Variants in PCDH11X observed in about 807,000 individuals in gnomAD.
The protein encoded by PCDH11X is protocadherin 11 X-linked, also known as protocadherin-11 X-linked.
A neutral mutation model predicts 53.3 loss-of-function variants in PCDH11X; 18 were observed. That is an observed-to-expected ratio of 0.34 (90% CI 0.23 to 0.50). The LOEUF is 0.50. PCDH11X is among the 20% of genes least tolerant of loss of function. The pLI, the probability that PCDH11X is intolerant of heterozygous loss-of-function variation, is 0.98. For synonymous variants in PCDH11X, 279 were observed against 393.3 expected (o/e 0.71, Z 3.44); for missense variants, 570 against 1,032.4 (o/e 0.55, Z 6.14).
chrX:92,227,165 T>C (rs1194963733), intron 7 of PCDH11X, among the ~76,000 whole-genome samples: 1 of 111,715 alleles, frequency 9.0e-6, no homozygotes, highest in Non-Finnish European at 1.9e-5. Flanking sequence ...AGTGTCTGCA[T>C]CTGAATTTCA....
intron 9 of PCDH11X, among the ~76,000 whole-genome samples, chrX:92,398,578 A>G (rs1427269726): frequency 1.8e-5 from 2 of 111,654 alleles, no homozygotes; most frequent in Admixed American, 9.6e-5. Context: ...AGAGATGCAG[A>G]TATGTTTAAT....
intron 6 of PCDH11X, among the ~76,000 whole-genome samples, chrX:92,165,198 A>G (rs1045696140): frequency 1.8e-5 from 2 of 111,998 alleles, no homozygotes; most frequent in African/African-American, 6.5e-5. Flanking sequence ...AGAGTTTAAA[A>G]AGATCATTCT....
intron 6 of PCDH11X, among the ~76,000 whole-genome samples, chrX:92,072,012 A>T (rs2063709517): frequency 9.0e-6 from 1 of 110,847 alleles, no homozygotes; most frequent in African/African-American, 3.3e-5. Flanking sequence ...CACAATACAA[A>T]GTCCTTCCCA....
intron 7 of PCDH11X, among the ~76,000 whole-genome samples, chrX:92,215,645 C>T (rs1313556208): frequency 7.4e-4 from 66 of 88,956 alleles, no homozygotes; most frequent in African/African-American, 2.5e-3. Context: ...AACAAAAAGA[C>T]AGCAGTAACC....
intron 7 of PCDH11X, among the ~76,000 whole-genome samples, chrX:92,237,543 G>T (rs1276930259): frequency 9.0e-6 from 1 of 111,244 alleles, no homozygotes; most frequent in Non-Finnish European, 1.9e-5. Context: ...CTCAATAAAA[G>T]ATAGTTCTCA....
intron 6 of PCDH11X, among the ~76,000 whole-genome samples, chrX:91,975,824 A>G (rs1342322613): frequency 1.8e-5 from 2 of 110,806 alleles, no homozygotes; most frequent in African/African-American, 6.6e-5. Context: ...TCAATATCCA[A>G]ATGAAAGAAG....
intron 4 of PCDH11X, among the ~76,000 whole-genome samples, chrX:91,815,384 A>C (rs1036183743): frequency 2.7e-5 from 3 of 111,779 alleles, no homozygotes; most frequent in African/African-American, 3.2e-5. Context: ...GAAGCCCTGA[A>C]TGGTTTATCT....
rs187979991 is a variant in PCDH11X, at chrX:92,551,034, G to A, written c.3368-67230G>A. ...ACAAATCTTAGCTACTGTGAACAGTGCTCCACAAACATAGGAGTGCAAATG... is the reference window on the plus strand; with the variant it reads ...ACAAATCTTAGCTACTGTGAACAGTACTCCACAAACATAGGAGTGCAAATG... On this transcript the variant is annotated intron_variant, in intron 10 of 10. Coordinates refer to ENST00000682573, the MANE Select transcript of PCDH11X (RefSeq NM_032968.5). Among the ~76,000 whole-genome samples, 217 of 111,271 alleles carry A rather than the reference G, an allele frequency of 2.0e-3. 1 individual carries two copies. Among genetic ancestry groups the A allele is most frequent in the African/African-American group, 6.9e-3 (213 of 30,735 alleles).
intron 6 of PCDH11X, among the ~76,000 whole-genome samples, chrX:92,045,938 CAA>C (rs201666869): frequency 1.1e-5 from 1 of 90,782 alleles, no homozygotes. Flanking sequence ...GACTCCATTA[CAA>C]AAAAAAAAAA....
chrX:92,277,271 C>T (rs1054965580), intron 8 of PCDH11X, among the ~76,000 whole-genome samples: 4 of 111,011 alleles, frequency 3.6e-5, no homozygotes, highest in Admixed American at 9.6e-5. Flanking sequence ...ATGTCAGGCA[C>T]CTCAGACCAT....
intron 6 of PCDH11X, among the ~76,000 whole-genome samples, chrX:91,895,843 TAAC>T (rs1375742588): frequency 2.8e-5 from 3 of 106,747 alleles, no homozygotes; most frequent in Non-Finnish European, 5.7e-5. Context: ...GTAATACACT[TAAC>T]ATTACATACA....
intron 6 of PCDH11X, among the ~76,000 whole-genome samples, chrX:92,148,190 T>TTCTG (rs2065361582): frequency 1.6e-5 from 1 of 63,613 alleles, no homozygotes; most frequent in Non-Finnish European, 2.8e-5. Flanking sequence ...CTTTCTTTCT[T>TTCTG]TCTTTCTTTC....
intron 6 of PCDH11X, among the ~76,000 whole-genome samples, chrX:92,158,638 A>AAT (rs1268766060): frequency 9.0e-5 from 10 of 111,291 alleles, no homozygotes; most frequent in Admixed American, 8.6e-4. Context: ...CTTTTTTCAG[A>AAT]ATATATATAT....
intron 6 of PCDH11X, among the ~76,000 whole-genome samples, chrX:92,153,620 T>G (rs1438064622): frequency 9.0e-6 from 1 of 111,301 alleles, no homozygotes; most frequent in East Asian, 2.8e-4. Context: ...TCTTTCAAAA[T>G]TGTATATCAT....
chrX:92,252,021 G>T (rs2067470465), intron 7 of PCDH11X, among the ~76,000 whole-genome samples: 1 of 111,180 alleles, frequency 9.0e-6, no homozygotes, highest in South Asian at 3.7e-4. Flanking sequence ...CTTTTAAAGA[G>T]GTCATTTACA....
At chrX:92,202,273 C>T (rs996792850) in intron 7 of PCDH11X, among the ~76,000 whole-genome samples, 5 of 111,185 alleles carry the variant, frequency 4.5e-5, no homozygotes, top group Non-Finnish European at 9.4e-5. Flanking sequence ...GCATTTTTCC[C>T]TTACCAGTTG....
At chrX:91,875,775 T>C (rs1354059280) in intron 5 of PCDH11X, among the ~76,000 whole-genome samples, 1 of 110,998 alleles carries the variant, frequency 9.0e-6, no homozygotes. Context: ...TGAGATAATT[T>C]CATTTTAACT....
At chrX:91,833,924 A>G (rs1937203585) in intron 4 of PCDH11X, among the ~76,000 whole-genome samples, 1 of 111,445 alleles carries the variant, frequency 9.0e-6, no homozygotes, top group Non-Finnish European at 1.9e-5. Flanking sequence ...TGTTGATGTT[A>G]TCGATTACCA....
chrX:92,383,321 GTT>G (rs34013943), intron 8 of PCDH11X, among the ~76,000 whole-genome samples: 17,578 of 72,386 alleles, frequency 0.24, 1,292 homozygotes, highest in Non-Finnish European at 0.32. Context: ...GTAGATAAAT[GTT>G]TTTTTTTTTT....
Sources: allele counts gnomAD v4.1 joint callset (sites outside exome capture counted in the v4.1 genomes callset), GRCh38; gene constraint gnomAD v4.1.1; transcripts MANE v1.5; gene names NCBI Gene and HGNC (gene_info 2026-07-23, HGNC 2026-07-21).